The following KCNJ10 variants were observed in gnomAD, a reference collection of about 807,000 sequenced individuals.
KCNJ10 encodes potassium inwardly rectifying channel subfamily J member 10.
In KCNJ10, 9 loss-of-function variants were observed where a neutral mutation model predicts 22.2. The ratio of observed to expected loss-of-function variants is 0.40; its 90% CI spans 0.24 to 0.71. The LOEUF is 0.71. Among genes scored for constraint, KCNJ10 ranks in the 30% least tolerant of loss-of-function variants. The pLI is 0.35. For synonymous variants in KCNJ10, 184 were observed against 187.3 expected (o/e 0.98, Z 0.15); for missense variants, 337 against 482.7 (o/e 0.70, Z 2.83).
At position 160,041,950 on chromosome 1, in the gene KCNJ10, A is replaced by G. The variant is rs545693937; in HGVS notation, c.583T>C (p.Cys195Arg). 1.2e-6 allele frequency: 2 copies of G among 1,609,496 alleles called. No individual in the cohort carries two copies. Among genetic ancestry groups the G allele is most frequent in the South Asian group, 1.1e-5 (1 of 90,664 alleles). Reference protein sequence around the residue: ...AVVASHNGKPCLMIRVANMRK... With the variant: ...AVVASHNGKPRLMIRVANMRK... ...ATATTGGCAACTCGGATCATGAGGCAGGGCTTGCCATTGTGGGAGGCCACA... is the reference window on the plus strand; with the variant it reads ...ATATTGGCAACTCGGATCATGAGGCGGGGCTTGCCATTGTGGGAGGCCACA... Residue 195 changes from cysteine to arginine, a missense_variant, in exon 2 of 2, where the codon TGC becomes CGC. Physicochemically the swap from Cys to Arg is radical, Grantham distance 180. This residue lies in a region of KCNJ10 where 165 missense variants were observed against 281.5 expected (regional missense o/e 0.59). Transcript: ENST00000644903. This position sits in a 1 kb window ranked among gnomAD's most constrained non-coding sequence, Gnocchi z 4.4.
At chr1:160,054,279 C>T (rs965021029) in intron 1 of KCNJ10, among the ~76,000 whole-genome samples, 3 of 152,172 alleles carry the variant, frequency 2.0e-5, no homozygotes, top group Middle Eastern at 3.2e-3. Context: ...GGAGCTGGTC[C>T]TTTGTGAGGA....
At chr1:160,067,108 A>G (rs546060283) in intron 1 of KCNJ10, among the ~76,000 whole-genome samples, 17 of 150,608 alleles carry the variant, frequency 1.1e-4, no homozygotes, top group Non-Finnish European at 1.5e-4. Context: ...TGCTTCTCCA[A>G]CCTCCTTCTC....
chr1:160,046,372 C>G lies in KCNJ10; in HGVS notation c.1-3840G>C, dbSNP rs143205394. Among the ~76,000 whole-genome samples, 146 of 152,292 alleles carry G rather than the reference C, an allele frequency of 9.6e-4. 1 individual carries two copies. Among genetic ancestry groups the G allele is most frequent in the African/African-American group, 3.4e-3 (142 of 41,550 alleles). On this transcript the variant is annotated intron_variant, in intron 1 of 1. Transcript: ENST00000644903. ...AGTAGATTAGTGGTAAAGTTGGAAC[C>G]AGAATCCAGGTCTCCCAGCTCCTGG...
At position 160,041,421 on chromosome 1, in the gene KCNJ10, G is replaced by T; in HGVS notation, c.1112C>A (p.Ala371Asp). Residue 371 changes from alanine to aspartate, a missense_variant, in exon 2 of 2, where the codon GCC becomes GAC. Physicochemically the swap from Ala to Asp is moderately radical, Grantham distance 126. Transcript: ENST00000644903. This position sits in a 1 kb window ranked among gnomAD's most constrained non-coding sequence, Gnocchi z 4.4. ...LREQAEKEGS[A>D]LSVRISNV is the part of the protein sequence containing the mutation. The stretch of plus-strand genomic sequence containing the variant: ...GACATTGCTGATGCGCACACTAAGG[G>T]CACTGCCCTCCTTCTCAGCTTGCTC... 1 of 1,613,502 alleles carries T rather than the reference G, an allele frequency of 6.2e-7. No individual in the cohort carries two copies. Among genetic ancestry groups the T allele is most frequent in the Non-Finnish European group, 8.5e-7 (1 of 1,179,940 alleles).
chr1:160,063,946 G>A (rs1649257949), intron 1 of KCNJ10, among the ~76,000 whole-genome samples: 1 of 152,210 alleles, frequency 6.6e-6, no homozygotes, highest in South Asian at 2.1e-4. Flanking sequence ...GCTTTTTAAA[G>A]TCCCATTTTA....
chr1:160,064,097 T>C (rs996247075), intron 1 of KCNJ10, among the ~76,000 whole-genome samples: 2 of 152,196 alleles, frequency 1.3e-5, no homozygotes, highest in Non-Finnish European at 2.9e-5. Flanking sequence ...CAAAAGACCA[T>C]GGCAGCTGAA....
chr1:160,052,243 T>C (rs1648922542), intron 1 of KCNJ10, among the ~76,000 whole-genome samples: 1 of 152,172 alleles, frequency 6.6e-6, no homozygotes, highest in South Asian at 2.1e-4. Context: ...ACTAATCCAA[T>C]TATCTTAGGT....
intron 1 of KCNJ10, among the ~76,000 whole-genome samples, chr1:160,069,344 A>T (rs1649397806): frequency 6.6e-6 from 1 of 152,210 alleles, no homozygotes; most frequent in Non-Finnish European, 1.5e-5. Flanking sequence ...TATAGAACCC[A>T]ATCTGCCCTT....
At chr1:160,056,458 C>T (rs1649038204) in intron 1 of KCNJ10, among the ~76,000 whole-genome samples, 1 of 152,156 alleles carries the variant, frequency 6.6e-6, no homozygotes, top group African/African-American at 2.4e-5. Context: ...TCGGGCAGCT[C>T]GCTCTACCTA....
At chr1:160,047,719 A>G (rs546538561) in intron 1 of KCNJ10, among the ~76,000 whole-genome samples, 1 of 152,126 alleles carries the variant, frequency 6.6e-6, no homozygotes. Flanking sequence ...TTGCTCTTGT[A>G]CATATTCTCT....
chr1:160,064,821 G>C (rs1243451436), intron 1 of KCNJ10: 1 of 152,356 alleles, frequency 6.6e-6, no homozygotes, highest in Non-Finnish European at 1.5e-5. Flanking sequence ...AGCTGAGGAG[G>C]CTGGTCCAGG....
intron 1 of KCNJ10, among the ~76,000 whole-genome samples, chr1:160,051,973 A>G (rs1648915367): frequency 6.6e-6 from 1 of 151,868 alleles, no homozygotes; most frequent in South Asian, 2.1e-4. Context: ...CCTGTATCTC[A>G]TCCTGGTAAT....
intron 1 of KCNJ10, among the ~76,000 whole-genome samples, chr1:160,052,278 C>T (rs1305406809): frequency 6.6e-6 from 1 of 152,220 alleles, no homozygotes; most frequent in East Asian, 1.9e-4. Flanking sequence ...GAACCAATCA[C>T]TGTTTGGTAA....
intron 1 of KCNJ10, among the ~76,000 whole-genome samples, chr1:160,048,313 C>G (rs949622374): frequency 1.3e-5 from 2 of 150,776 alleles, no homozygotes; most frequent in Non-Finnish European, 3.0e-5. Flanking sequence ...ACAGGCTTTG[C>G]TAATGCTGCA....
intron 1 of KCNJ10, among the ~76,000 whole-genome samples, chr1:160,065,636 C>T (rs1649307071): frequency 6.6e-6 from 1 of 152,054 alleles, no homozygotes; most frequent in African/African-American, 2.4e-5. Flanking sequence ...AGGAGCATGG[C>T]TCAGAGACTG....
At position 160,040,300 on chromosome 1, in the gene KCNJ10, A is replaced by G. The variant is rs764327045; in HGVS notation, c.*1093T>C. 2.7e-6 allele frequency: 1 copy of G among 374,542 alleles called. No individual in the cohort carries two copies. The highest frequency in any genetic ancestry group is 4.7e-6 in the Non-Finnish European group (1 of 211,700). 23.2% of individuals were successfully genotyped at this position (374,542 alleles called of 1,614,324 possible). A position where few individuals can be genotyped will look rare whatever the true frequency, so the allele number is the denominator to read the frequency against. ...AAATCTGAGAATTTACCCATCCCTC[A>G]TGGTGGGATTGTGTTAACTTTCTGG... On this transcript the variant is annotated 3_prime_UTR_variant, in exon 2 of 2. Transcript: ENST00000644903.
chr1:160,048,427 A>G (rs1648802776), intron 1 of KCNJ10, among the ~76,000 whole-genome samples: 2 of 152,358 alleles, frequency 1.3e-5, no homozygotes, highest in South Asian at 4.1e-4. Context: ...CTGGGGAGAG[A>G]ATGAGCTTTG....
intron 1 of KCNJ10, among the ~76,000 whole-genome samples, chr1:160,064,448 C>T (rs534170266): frequency 4.6e-5 from 7 of 152,336 alleles, no homozygotes; most frequent in South Asian, 2.1e-4. Context: ...GACAATGTCA[C>T]TCTTCTTATT....
chr1:160,056,172 A>G (rs546872838), intron 1 of KCNJ10, among the ~76,000 whole-genome samples: 1 of 152,112 alleles, frequency 6.6e-6, no homozygotes, highest in East Asian at 1.9e-4. Context: ...GAAGTGTTGC[A>G]ATGGTCTCCT....
Sources: allele counts gnomAD v4.1 joint callset (sites outside exome capture counted in the v4.1 genomes callset), GRCh38; gene constraint gnomAD v4.1.1; regional missense constraint gnomAD v4.1.1; non-coding constraint Gnocchi (gnomAD v3.1); transcripts MANE v1.5; gene names NCBI Gene and HGNC (gene_info 2026-07-23, HGNC 2026-07-21).